The following ADD3 variants were observed in gnomAD, a reference collection of about 807,000 sequenced individuals.
ADD3 encodes the protein gamma-adducin.
A neutral mutation model predicts 80.2 loss-of-function variants in ADD3; 25 were observed. The observed-to-expected ratio is 0.31, with a 90% CI of 0.23 to 0.44. ADD3 has a LOEUF of 0.44. ADD3 is among the 20% of genes least tolerant of loss of function. The pLI is 1.00. For synonymous variants in ADD3, 284 were observed against 289.6 expected (o/e 0.98, Z 0.20); for missense variants, 829 against 847.5 (o/e 0.98, Z 0.27).
intron 1 of ADD3, among the ~76,000 whole-genome samples, chr10:110,039,016 C>G (rs549959459): frequency 3.3e-5 from 5 of 152,242 alleles, no homozygotes; most frequent in Admixed American, 2.6e-4. Flanking sequence ...CACAGTGTTT[C>G]CTAGCGATTA....
rs113790056 is a variant in ADD3, at chr10:110,040,182, A to AT, written c.-30+31894dup. 7.1e-3 allele frequency among the ~76,000 whole-genome samples: 1,043 copies of AT among 147,410 alleles called. 8 individuals are homozygous for AT. The highest frequency in any genetic ancestry group is 0.023 in the African/African-American group (920 of 40,076). Reference sequence around the variant, plus strand: ...GTAAATCGTTAGGAAAGTTATTATTATTTTTTTTTTTCAGATTTCCAGTCT... The same window carrying AT: ...GTAAATCGTTAGGAAAGTTATTATTATTTTTTTTTTTTCAGATTTCCAGTCT... On this transcript the variant is annotated intron_variant, in intron 1 of 14. Coordinates refer to ENST00000356080, the MANE Select transcript of ADD3 (RefSeq NM_016824.5).
intron 1 of ADD3, among the ~76,000 whole-genome samples, chr10:110,095,036 C>G (rs949607158): frequency 3.3e-5 from 5 of 152,140 alleles, no homozygotes; most frequent in Non-Finnish European, 4.4e-5. Context: ...ATTGTTTTTA[C>G]TATTCCCAGC....
chr10:110,091,889 C>T (rs1056036515), intron 1 of ADD3, among the ~76,000 whole-genome samples: 3 of 152,022 alleles, frequency 2.0e-5, no homozygotes, highest in African/African-American at 7.2e-5. Flanking sequence ...GGAACTTAAC[C>T]CAACAGGTAA....
intron 11 of ADD3, 93 bp downstream of exon 11, chr10:110,126,038 A>G: frequency 7.7e-7 from 1 of 1,292,352 alleles, no homozygotes; most frequent in Non-Finnish European, 1.1e-6. Context: ...CAAACTTAGA[A>G]GTTTGAATAC....
intron 1 of ADD3, among the ~76,000 whole-genome samples, chr10:110,043,817 A>G (rs1342927551): frequency 6.6e-6 from 1 of 152,226 alleles, no homozygotes; most frequent in East Asian, 1.9e-4. Context: ...TTAAATAACT[A>G]CAGTAAAAAG....
intron 1 of ADD3, among the ~76,000 whole-genome samples, chr10:110,093,987 T>C (rs1432761402): frequency 2.0e-5 from 3 of 152,200 alleles, no homozygotes; most frequent in East Asian, 1.9e-4. Context: ...TGATAAAATG[T>C]TAGTGAGTAC....
In ADD3 at chr10:110,090,280, C is replaced by T. The variant is rs184048216; in HGVS notation, c.-29-10345C>T. ...TGTCGCCCAGGCTGGAGTGCAGTGG[C>T]GTGATCTCAGCTCACTGCAACCTTC... On this transcript the variant is annotated intron_variant, in intron 1 of 14. Coordinates refer to ENST00000356080, the MANE Select transcript of ADD3 (RefSeq NM_016824.5). 7.1e-5 allele frequency among the ~76,000 whole-genome samples: 10 copies of T among 140,574 alleles called. 1 individual carries two copies. In the South Asian group the frequency reaches 1.1e-3, roughly 16 times the overall value. 92.2% of individuals were successfully genotyped at this position (140,574 alleles called of 152,430 possible).
chr10:110,048,780 G>C (rs1183488315), intron 1 of ADD3, among the ~76,000 whole-genome samples: 1 of 152,194 alleles, frequency 6.6e-6, no homozygotes, highest in African/African-American at 2.4e-5. Flanking sequence ...GAGCATAAAG[G>C]TTTGGAAAAC....
chr10:110,095,349 A>G (rs564546103), intron 1 of ADD3, among the ~76,000 whole-genome samples: 17 of 152,374 alleles, frequency 1.1e-4, no homozygotes, highest in African/African-American at 3.8e-4. Context: ...CACTCCAAAA[A>G]TAAATCTCAT....
chr10:110,126,591 G>A, intron 12 of ADD3, 88 bp downstream of exon 12: 1 of 948,486 alleles, frequency 1.1e-6, no homozygotes, highest in Non-Finnish European at 1.6e-6. Flanking sequence ...TTTTTACTAA[G>A]GTTAATATAA....
At chr10:110,060,926 C>G (rs1399969488) in intron 1 of ADD3, among the ~76,000 whole-genome samples, 1 of 152,184 alleles carries the variant, frequency 6.6e-6, no homozygotes, top group Non-Finnish European at 1.5e-5. Flanking sequence ...AGGTTACGCA[C>G]ATTCTGTATG....
chr10:110,035,389 A>G (rs540988342), intron 1 of ADD3, among the ~76,000 whole-genome samples: 1 of 152,204 alleles, frequency 6.6e-6, no homozygotes, highest in African/African-American at 2.4e-5. Flanking sequence ...AACTCACTAG[A>G]ACAGCCTTTA....
intron 1 of ADD3, among the ~76,000 whole-genome samples, chr10:110,090,695 A>T (rs994422410): frequency 1.3e-5 from 2 of 152,234 alleles, no homozygotes; most frequent in Non-Finnish European, 2.9e-5. Context: ...TTTGAAACTG[A>T]AACACCCTCT....
chr10:110,029,131 G>A (rs935430121), intron 1 of ADD3, among the ~76,000 whole-genome samples: 3 of 152,144 alleles, frequency 2.0e-5, no homozygotes, highest in African/African-American at 4.8e-5. Flanking sequence ...CGCCTGCCTC[G>A]GCCTCCCAAA....
At chr10:110,046,319 G>GTA (rs1195062053) in intron 1 of ADD3, among the ~76,000 whole-genome samples, 1 of 151,830 alleles carries the variant, frequency 6.6e-6, no homozygotes, top group Non-Finnish European at 1.5e-5. Flanking sequence ...ACAGTAATAT[G>GTA]TATATATATA....
At chr10:110,126,555 C>T (rs1418554724) in intron 12 of ADD3, 52 bp downstream of exon 12, 4 of 1,257,850 alleles carry the variant, frequency 3.2e-6, no homozygotes, top group Non-Finnish European at 4.5e-6. Flanking sequence ...ACATTAATTT[C>T]ATTGATTTTT....
intron 1 of ADD3, among the ~76,000 whole-genome samples, chr10:110,061,821 G>A (rs534034407): frequency 6.6e-6 from 1 of 152,310 alleles, no homozygotes; most frequent in South Asian, 2.1e-4. Flanking sequence ...AGCAAAGTGA[G>A]TGCTAGAAAG....
At chr10:110,079,434 GA>G (rs1845762662) in intron 1 of ADD3, 2 of 63,118 alleles carry the variant, frequency 3.2e-5, no homozygotes, top group Admixed American at 5.5e-4. Context: ...TGATGAGAGA[GA>G]GAGAGAGAGA....
chr10:110,096,456 G>T (rs1340606584), intron 1 of ADD3, among the ~76,000 whole-genome samples: 1 of 152,164 alleles, frequency 6.6e-6, no homozygotes, highest in African/African-American at 2.4e-5. Context: ...ATCTGTTGCT[G>T]TGTGAAAAAC....
Sources: allele counts gnomAD v4.1 joint callset (sites outside exome capture counted in the v4.1 genomes callset), GRCh38; gene constraint gnomAD v4.1.1; transcripts MANE v1.5; gene names NCBI Gene and HGNC (gene_info 2026-07-23, HGNC 2026-07-21).